The following PARVB variants were observed in gnomAD, a reference collection of about 807,000 sequenced individuals.
The protein encoded by PARVB is parvin beta.
PARVB carries 46 observed loss-of-function variants against 47.0 expected under a neutral mutation model. The observed-to-expected ratio is 0.98, with a 90% confidence interval of 0.77 to 1.25. The LOEUF is 1.25. PARVB is among the 50% of genes most tolerant of loss of function. PARVB has a pLI of 0.00. For missense variants in PARVB, 473 were observed against 471.6 expected (o/e 1.00, Z -0.03); for synonymous variants, 196 against 196.3 (o/e 1.00, Z 0.01).
chr22:44,093,949 G>A lies in PARVB; in HGVS notation c.134G>A (p.Gly45Asp), dbSNP rs554834609. 7.7e-5 allele frequency: 125 copies of A among 1,613,544 alleles called. No individual in the cohort carries two copies. The highest frequency in any genetic ancestry group is 1.7e-4 in the Admixed American group (10 of 59,966). ...AREVSDLQEE[G>D]KNAINSPMSP... ...ACAGTGAGTGACCTGCAGGAAGAAG[G>A]CAAGAATGCCATCAACTCACCGATG... Residue 45 changes from glycine to aspartate, a missense_variant, in exon 2 of 13, where the codon GGC becomes GAC. By Grantham distance (94) the Gly-to-Asp change is moderately conservative. Transcript: ENST00000338758.
intron 1 of PARVB, among the ~76,000 whole-genome samples, chr22:44,056,402 T>C (rs2051312786): frequency 6.6e-6 from 1 of 152,254 alleles, no homozygotes; most frequent in South Asian, 2.1e-4. Flanking sequence ...GTTCGAATTC[T>C]GCCTGCGCCA....
intron 1 of PARVB, 122 bp downstream of exon 1, chr22:44,024,573 T>TAGCC (rs2050697364): frequency 8.4e-6 from 3 of 358,570 alleles, no homozygotes; most frequent in Non-Finnish European, 4.1e-6. Flanking sequence ...CCCACGCGGC[T>TAGCC]GCGCGACCTT....
intron 3 of PARVB, among the ~76,000 whole-genome samples, chr22:44,100,782 C>T (rs533434111): frequency 3.9e-5 from 6 of 152,104 alleles, no homozygotes; most frequent in Admixed American, 6.5e-5. Context: ...TTGCTCTGAT[C>T]GAAACCACGG....
chr22:44,062,332 G>T (rs1387838769), intron 1 of PARVB, among the ~76,000 whole-genome samples: 1 of 152,058 alleles, frequency 6.6e-6, no homozygotes, highest in African/African-American at 2.4e-5. Flanking sequence ...TGATTAATTT[G>T]CTGGGACTCA....
chr22:44,076,321 A>T (rs1471471977), intron 1 of PARVB, among the ~76,000 whole-genome samples: 1 of 152,236 alleles, frequency 6.6e-6, no homozygotes, highest in Non-Finnish European at 1.5e-5. Context: ...GGCCACCCGC[A>T]GCCCTGTGTC....
intron 4 of PARVB, among the ~76,000 whole-genome samples, chr22:44,124,805 TG>T (rs1434768545): frequency 1.3e-5 from 2 of 152,164 alleles, no homozygotes; most frequent in African/African-American, 4.8e-5. Context: ...TCTCCGCTGT[TG>T]TGACAGAGGA....
chr22:44,097,279 C>G (rs1443351022), intron 2 of PARVB, among the ~76,000 whole-genome samples: 1 of 152,218 alleles, frequency 6.6e-6, no homozygotes, highest in African/African-American at 2.4e-5. Flanking sequence ...TCCTGGCCAC[C>G]CGAAGACCTA....
chr22:44,100,056 A>C lies in PARVB; in HGVS notation c.206A>C (p.Glu69Ala). 1 of 1,613,958 alleles carries C rather than the reference A, an allele frequency of 6.2e-7. No homozygotes were observed. The highest frequency in any genetic ancestry group is 8.5e-7 in the Non-Finnish European group (1 of 1,179,868). Residue 69 changes from glutamate (E) to alanine (A), a missense_variant, in exon 3 of 13, where the codon GAG (glutamate) becomes GCG (alanine). Transcript: ENST00000338758. ...GACTTCCTTTTGTCCCTGGCAGAGG[A>C]GAACGAGGAGCGCACGATGATTGAC... The part of the protein sequence containing the change: ...DVHPEDTQLE[E>A]NEERTMIDPT...
intron 3 of PARVB, among the ~76,000 whole-genome samples, chr22:44,117,594 G>A (rs1421990308): frequency 1.3e-5 from 2 of 152,180 alleles, no homozygotes; most frequent in East Asian, 1.9e-4. Flanking sequence ...CCTGCAAACT[G>A]CCCTTTAATT....
At chr22:44,152,289 A>G (rs1225128383) in intron 10 of PARVB, 1 of 151,846 alleles carries the variant, frequency 6.6e-6, no homozygotes, top group Non-Finnish European at 1.5e-5. Flanking sequence ...AGCTGGGACT[A>G]CAGGTACATC....
chr22:44,148,192 G>C (rs1006021554), intron 9 of PARVB: 1 of 501,004 alleles, frequency 2.0e-6, no homozygotes, highest in Non-Finnish European at 3.6e-6. Context: ...TTTCTGACTC[G>C]AGACCTTTTT....
At chr22:44,017,497 T>C (rs760570829) in intron 2 of PARVB, among the ~76,000 whole-genome samples, 16 of 152,196 alleles carry the variant, frequency 1.1e-4, no homozygotes, top group Non-Finnish European at 1.3e-4. Flanking sequence ...CCTCTTACAA[T>C]TAAGCACCAC....
In PARVB at chr22:44,163,971, C is replaced by T. The variant is rs115441810; in HGVS notation, c.1018+41C>T. 5.9e-4 allele frequency: 880 copies of T among 1,501,382 alleles called. 9 individuals carry two copies. In the African/African-American group the frequency reaches 0.011, roughly 18 times the overall value. The allele number at this position is 1,501,382 out of a possible 1,614,324, so 93.0% of individuals were successfully genotyped here. ...CAGGTTCCCCCGGGAGAGGTGCGCA[C>T]GGAGGGGAAGAAAAACGGGTCCTAG... On this transcript the variant is annotated intron_variant, in intron 12 of 12. Transcript: ENST00000338758.
chr22:44,162,170 CTG>C (rs1181910585), intron 11 of PARVB, among the ~76,000 whole-genome samples: 1 of 152,240 alleles, frequency 6.6e-6, no homozygotes, highest in African/African-American at 2.4e-5. Context: ...GCACCCCACA[CTG>C]TTTTCCAGTG....
chr22:44,100,587 C>T (rs958073685), intron 3 of PARVB, among the ~76,000 whole-genome samples: 5 of 152,118 alleles, frequency 3.3e-5, no homozygotes, highest in African/African-American at 9.7e-5. Flanking sequence ...GTTTCCACCA[C>T]GTCTGGAGGC....
chr22:44,030,205 G>A lies in PARVB; in HGVS notation c.112+5754G>A, dbSNP rs1054962561. Among the ~76,000 whole-genome samples the A allele has an allele frequency of 9.9e-5, 15 of 152,262 alleles. No individual in the cohort carries two copies. In the East Asian group the frequency reaches 2.7e-3, roughly 27 times the overall value. On this transcript the variant is annotated intron_variant, in intron 1 of 12. Transcript: ENST00000338758. ...CCCAGCAACGCCTGGGCTGGGAGCT[G>A]GGGGTGGGTGAGACCCTGGCTCAGG...
intron 3 of PARVB, among the ~76,000 whole-genome samples, chr22:44,117,419 G>C (rs951055650): frequency 6.6e-6 from 1 of 152,064 alleles, no homozygotes; most frequent in Non-Finnish European, 1.5e-5. Context: ...TGGGAACTGA[G>C]GGGGTTCGGG....
chr22:44,163,736 T>G, intron 11 of PARVB, 122 bp from the exon 12 acceptor site: 1 of 775,258 alleles, frequency 1.3e-6, no homozygotes. Context: ...GCTCACTGGG[T>G]CCTTGTGGAC....
At position 44,068,984 on chromosome 22, in the gene PARVB, C is replaced by T; in HGVS notation, c.113-24944C>T. The T allele has an allele frequency of 1.4e-6, 1 of 702,828 alleles. No homozygotes were observed. The highest frequency in any genetic ancestry group is 4.2e-4 in the Middle Eastern group (1 of 2,398). 43.5% of individuals were successfully genotyped at this position (702,828 alleles called of 1,614,324 possible). ...CGCTGGAAACACCCCGGTCCTTCCA[C>T]AGCCTGACCCTCTGTGACCTTCCTC... On this transcript the variant is annotated intron_variant, in intron 1 of 12. Coordinates refer to ENST00000338758, the MANE Select transcript of PARVB (RefSeq NM_013327.5). This position sits in a 1 kb window ranked among gnomAD's most constrained non-coding sequence, Gnocchi z 4.1.
Sources: allele counts gnomAD v4.1 joint callset (sites outside exome capture counted in the v4.1 genomes callset), GRCh38; gene constraint gnomAD v4.1.1; non-coding constraint Gnocchi (gnomAD v3.1); transcripts MANE v1.5; gene names NCBI Gene and HGNC (gene_info 2026-07-23, HGNC 2026-07-21).